The following ZNF148 variants were observed in gnomAD, a reference collection of about 807,000 sequenced individuals.
The protein encoded by ZNF148 is zinc finger protein 148.
Under a neutral mutation model 67.7 loss-of-function variants are expected in ZNF148, and 7 were observed. That is an observed-to-expected ratio of 0.10 (90% CI 0.06 to 0.19). The LOEUF (loss-of-function observed/expected upper bound fraction) is 0.19. Ranked by LOEUF, ZNF148 falls within the 10% of genes least tolerant of loss-of-function variation. ZNF148 has a pLI of 1.00. For missense variants in ZNF148, 583 were observed against 947.1 expected (o/e 0.62, Z 5.05); for synonymous variants, 333 against 330.7 (o/e 1.01, Z -0.08).
At chr3:125,253,369 C>T (rs1297119036) in intron 7 of ZNF148, among the ~76,000 whole-genome samples, 1 of 152,058 alleles carries the variant, frequency 6.6e-6, no homozygotes, top group African/African-American at 2.4e-5. Flanking sequence ...AAATTATCTG[C>T]AAGTTATTTT....
chr3:125,341,408 C>G (rs1007194515), intron 1 of ZNF148, among the ~76,000 whole-genome samples: 42 of 151,200 alleles, frequency 2.8e-4, no homozygotes, highest in African/African-American at 1.0e-3. Flanking sequence ...CACTTCTGCT[C>G]AGGAGGGTAA....
chr3:125,373,494 T>A (rs1260764900), intron 1 of ZNF148, among the ~76,000 whole-genome samples: 1 of 151,970 alleles, frequency 6.6e-6, no homozygotes, highest in African/African-American at 2.4e-5. Context: ...TGGTGTGAGC[T>A]CAGCAAATCC....
At chr3:125,272,738 T>C (rs533837436) in intron 7 of ZNF148, among the ~76,000 whole-genome samples, 3 of 152,204 alleles carry the variant, frequency 2.0e-5, no homozygotes, top group African/African-American at 4.8e-5. Context: ...TAAGCTTTTA[T>C]ATGTTTTATG....
At chr3:125,267,973 A>C (rs1937572182) in intron 7 of ZNF148, among the ~76,000 whole-genome samples, 1 of 152,172 alleles carries the variant, frequency 6.6e-6, no homozygotes, top group Admixed American at 6.5e-5. Context: ...CTAGATGCAC[A>C]CACACATACC....
intron 5 of ZNF148, among the ~76,000 whole-genome samples, chr3:125,281,242 A>C (rs566702085): frequency 1.3e-5 from 2 of 152,320 alleles, no homozygotes; most frequent in Non-Finnish European, 2.9e-5. Context: ...GAGGAGAGTC[A>C]AAGAAAGTGG....
chr3:125,296,435 T>C (rs1939289955), intron 4 of ZNF148, among the ~76,000 whole-genome samples: 1 of 152,210 alleles, frequency 6.6e-6, no homozygotes. Flanking sequence ...TGCTATTTTT[T>C]AGTTTTCTTT....
chr3:125,374,262 G>T (rs1009749035), intron 1 of ZNF148, among the ~76,000 whole-genome samples: 25 of 152,114 alleles, frequency 1.6e-4, no homozygotes, highest in Non-Finnish European at 2.9e-5. Flanking sequence ...CACAGGTTCG[G>T]AACTAGGCCA....
intron 1 of ZNF148, among the ~76,000 whole-genome samples, chr3:125,356,611 G>T (rs950339226): frequency 6.6e-6 from 1 of 152,134 alleles, no homozygotes; most frequent in African/African-American, 2.4e-5. Flanking sequence ...ATAAAATTAA[G>T]AAACGCTCTT....
At chr3:125,328,118 C>G (rs557022659) in intron 2 of ZNF148, among the ~76,000 whole-genome samples, 1 of 151,632 alleles carries the variant, frequency 6.6e-6, no homozygotes, top group African/African-American at 2.4e-5. Flanking sequence ...CCTAAAGACA[C>G]CTGGCCAAAC....
At chr3:125,274,424 C>T (rs1360655047) in intron 7 of ZNF148, among the ~76,000 whole-genome samples, 1 of 152,160 alleles carries the variant, frequency 6.6e-6, no homozygotes, top group African/African-American at 2.4e-5. Context: ...TTTTCAGTGC[C>T]ATAGTCTAAA....
chr3:125,371,404 C>T (rs1462027282), intron 1 of ZNF148, among the ~76,000 whole-genome samples: 22 of 147,808 alleles, frequency 1.5e-4, no homozygotes, highest in Non-Finnish European at 2.4e-4. Context: ...AAGTGGCTCA[C>T]GCCTGTAATC....
At position 125,305,788 on chromosome 3, in the gene ZNF148, G is replaced by A. The variant is rs571762921; in HGVS notation, c.333+7520C>T. On this transcript the variant is annotated intron_variant, in intron 4 of 8. Transcript: ENST00000360647. Reference sequence around the variant, plus strand: ...TGATCACACCACTGCACACCAGCACGGGCAAAAAAAAAAAAAAGAAAAAAA... The same window carrying A: ...TGATCACACCACTGCACACCAGCACAGGCAAAAAAAAAAAAAAGAAAAAAA... Among the ~76,000 whole-genome samples, 278 of 147,986 alleles carry A rather than the reference G, an allele frequency of 1.9e-3. 2 individuals carry two copies. The highest frequency in any genetic ancestry group is 6.2e-3 in the African/African-American group (249 of 40,148).
intron 3 of ZNF148, among the ~76,000 whole-genome samples, chr3:125,317,660 T>TAGAGAGAGAGAGAGAGAGAGAGAGAGAG (rs66600598): frequency 6.8e-4 from 42 of 62,142 alleles, no homozygotes; most frequent in African/African-American, 2.0e-3. Context: ...TATATATATA[T>TAGAGAGAGAGAGAGAGAGAGAGAGAGAG]ATAGAGAGAG....
chr3:125,286,469 T>C (rs1433080772), intron 5 of ZNF148, among the ~76,000 whole-genome samples: 2 of 152,190 alleles, frequency 1.3e-5, no homozygotes, highest in Admixed American at 1.3e-4. Context: ...GTAACTGGTA[T>C]AACATTTCTG....
At chr3:125,320,903 A>T (rs940955167) in intron 3 of ZNF148, among the ~76,000 whole-genome samples, 20 of 152,198 alleles carry the variant, frequency 1.3e-4, no homozygotes, top group African/African-American at 4.6e-4. Context: ...ATTATACCTT[A>T]AAAATATCAG....
At chr3:125,269,742 G>A (rs1937634123) in intron 7 of ZNF148, among the ~76,000 whole-genome samples, 1 of 152,014 alleles carries the variant, frequency 6.6e-6, no homozygotes, top group Non-Finnish European at 1.5e-5. Context: ...AAGAAAATGT[G>A]GTACATATAC....
chr3:125,263,474 C>T (rs1421021596), intron 7 of ZNF148, among the ~76,000 whole-genome samples: 1 of 151,852 alleles, frequency 6.6e-6, no homozygotes. Flanking sequence ...TCACTTGAAC[C>T]CGGGAGACTG....
In ZNF148 at chr3:125,365,986, TAA is replaced by T. The variant is rs758086585; in HGVS notation, c.-234+9114_-234+9115del. ...CCACCTAACTGGTCTTTTTGTTTTC[TAA>T]CTGGTCTTTTCACATACAATCTTAC... On this transcript the variant is annotated intron_variant, in intron 1 of 8. Coordinates refer to ENST00000360647, the MANE Select transcript of ZNF148 (RefSeq NM_021964.3). Among the ~76,000 whole-genome samples, 12 of 152,302 alleles carry T rather than the reference TAA, an allele frequency of 7.9e-5. No homozygotes were observed. The South Asian group carries it at 2.3e-3, about 29-fold the overall frequency.
At chr3:125,237,767 A>T (rs1346949295) in intron 7 of ZNF148, among the ~76,000 whole-genome samples, 2 of 152,296 alleles carry the variant, frequency 1.3e-5, no homozygotes, top group Middle Eastern at 3.4e-3. Context: ...CCTCAAACTG[A>T]TCTACAGATT....
Sources: allele counts gnomAD v4.1 joint callset (sites outside exome capture counted in the v4.1 genomes callset), GRCh38; gene constraint gnomAD v4.1.1; transcripts MANE v1.5; gene names NCBI Gene and HGNC (gene_info 2026-07-23, HGNC 2026-07-21).